GUCY1A1: variants seen among roughly 807,000 people sequenced by gnomAD.
The protein encoded by GUCY1A1 is guanylate cyclase soluble subunit alpha-1.
GUCY1A1 carries 48 observed loss-of-function variants against 64.5 expected under a neutral mutation model. The ratio of observed to expected loss-of-function variants is 0.74; its 90% CI spans 0.59 to 0.95. GUCY1A1 has a LOEUF of 0.95. GUCY1A1 is among the 40% of genes least tolerant of loss of function. The pLI, the probability that GUCY1A1 is intolerant of heterozygous loss-of-function variation, is 0.00. For missense variants in GUCY1A1, 804 were observed against 825.3 expected, an observed-to-expected ratio of 0.97 and a Z score of 0.32; for synonymous variants, 308 against 303.4, an observed-to-expected ratio of 1.02 and a Z score of -0.16.
intron 9 of GUCY1A1, among the ~76,000 whole-genome samples, chr4:155,723,208 A>G (rs905721595): frequency 5.3e-5 from 8 of 152,178 alleles, no homozygotes; most frequent in Non-Finnish European, 8.8e-5. Flanking sequence ...ACAGCCAGTC[A>G]AATTCCCTAT....
chr4:155,682,719 TG>T (rs1270014083), intron 2 of GUCY1A1, among the ~76,000 whole-genome samples: 1 of 151,726 alleles, frequency 6.6e-6, no homozygotes, highest in East Asian at 1.9e-4. Flanking sequence ...TGTGTGTGTG[TG>T]TGTGTGTGTA....
intron 5 of GUCY1A1, among the ~76,000 whole-genome samples, chr4:155,709,532 T>G (rs1288207292): frequency 2.0e-5 from 3 of 152,220 alleles, no homozygotes; most frequent in African/African-American, 7.2e-5. Flanking sequence ...AAACAGAAAG[T>G]ACTAAAAAAA....
At chr4:155,699,228 G>A (rs1406533159) in intron 3 of GUCY1A1, among the ~76,000 whole-genome samples, 1 of 151,988 alleles carries the variant, frequency 6.6e-6, no homozygotes, top group Admixed American at 6.6e-5. Flanking sequence ...AATTGGCTCA[G>A]CTAGAGATTT....
intron 2 of GUCY1A1, among the ~76,000 whole-genome samples, chr4:155,680,798 CAGG>C (rs1180916865): frequency 1.3e-5 from 2 of 151,946 alleles, no homozygotes; most frequent in Non-Finnish European, 2.9e-5. Flanking sequence ...TCATTTTGAG[CAGG>C]AGGAGGAAGA....
intron 2 of GUCY1A1, among the ~76,000 whole-genome samples, chr4:155,690,499 G>A (rs977904403): frequency 1.3e-5 from 2 of 152,132 alleles, no homozygotes; most frequent in Admixed American, 1.3e-4. Context: ...CCTTAGAATA[G>A]AGTATTATCT....
At chr4:155,693,736 T>C (rs1730056872) in intron 2 of GUCY1A1, among the ~76,000 whole-genome samples, 1 of 152,166 alleles carries the variant, frequency 6.6e-6, no homozygotes, top group African/African-American at 2.4e-5. Context: ...TAAAAAACAC[T>C]GTTCGGCTTA....
rs1732438768 is a variant in GUCY1A1, at chr4:155,710,666, T to C, written c.501T>C (p.Ser167=). ...GTLKDFLNSF[S]TLLKQSSHCQ... ...TTAAAGATTTTTTAAACAGCTTCAG[T>C]ACCCTTCTGAAACAGAGCAGCCATT... Residue 167 remains serine (S), a synonymous_variant, in exon 6 of 10, where the codon AGT becomes AGC. Coordinates refer to ENST00000506455, the MANE Select transcript of GUCY1A1 (RefSeq NM_001130682.3). 3.7e-6 allele frequency: 6 copies of C among 1,613,764 alleles called. No homozygotes were observed. The highest frequency in any genetic ancestry group is 5.1e-6 in the Non-Finnish European group (6 of 1,179,690).
At position 155,710,794 on chromosome 4, in the gene GUCY1A1, C is replaced by T. The variant is rs374557471; in HGVS notation, c.629C>T (p.Thr210Ile). Residue 210 changes from threonine (T) to isoleucine (I), a missense_variant, in exon 6 of 10, where the codon ACC becomes ATC. Physicochemically the swap from Thr to Ile is moderately conservative, Grantham distance 89. Transcript: ENST00000506455. ...GTTTACTACTTCTTCCCTAAGAGAACCACCTCCCTGATTCTTCCCGGCATC... is the reference window on the plus strand; with the variant it reads ...GTTTACTACTTCTTCCCTAAGAGAATCACCTCCCTGATTCTTCCCGGCATC... ...LHVYYFFPKR[T>I]TSLILPGIIK... is the part of the protein sequence containing the mutation. 6.2e-7 allele frequency: 1 copy of T among 1,613,812 alleles called. No individual in the cohort carries two copies. Among genetic ancestry groups the T allele is most frequent in the Non-Finnish European group, 8.5e-7 (1 of 1,179,844 alleles).
chr4:155,719,536 C>A (rs1172499856), intron 8 of GUCY1A1, among the ~76,000 whole-genome samples: 1 of 152,144 alleles, frequency 6.6e-6, no homozygotes, highest in African/African-American at 2.4e-5. Context: ...TCTTGCCCTG[C>A]TACCTCTTGG....
chr4:155,730,419 G>GA lies in GUCY1A1; in HGVS notation c.*202dup, dbSNP rs34880260. On this transcript the variant is annotated 3_prime_UTR_variant, in exon 10 of 10. Transcript: ENST00000506455. ...TCACTTCAGTACTTCAGCTCTTCAA[G>GA]AAAAAAAAAAAAAACCTTAAAAAGC... The GA allele has an allele frequency of 0.028, 8,906 of 320,134 alleles. 1 individual carries two copies. Among genetic ancestry groups the GA allele is most frequent in the East Asian group, 0.058 (1,199 of 20,708 alleles). 19.8% of individuals were successfully genotyped at this position (320,134 alleles called of 1,614,324 possible).
chr4:155,718,990 AG>A (rs1733624211), intron 8 of GUCY1A1, among the ~76,000 whole-genome samples: 1 of 152,048 alleles, frequency 6.6e-6, no homozygotes, highest in African/African-American at 2.4e-5. Flanking sequence ...AATTTGTTTG[AG>A]GGGGCTTGTA....
chr4:155,692,999 C>T (rs1729952988), intron 2 of GUCY1A1, among the ~76,000 whole-genome samples: 1 of 151,852 alleles, frequency 6.6e-6, no homozygotes, highest in African/African-American at 2.4e-5. Flanking sequence ...GCGGAGGTTT[C>T]AGTGATCCAA....
At chr4:155,690,646 C>A (rs2126689463) in intron 2 of GUCY1A1, among the ~76,000 whole-genome samples, 1 of 152,276 alleles carries the variant, frequency 6.6e-6, no homozygotes, top group South Asian at 2.1e-4. Context: ...AGAACATTGG[C>A]TCCCAAGCAT....
At chr4:155,693,933 A>G (rs1036963960) in intron 2 of GUCY1A1, among the ~76,000 whole-genome samples, 8 of 152,210 alleles carry the variant, frequency 5.3e-5, no homozygotes, top group Admixed American at 4.6e-4. Flanking sequence ...GATCTATTAT[A>G]AACTATATTA....
chr4:155,679,756 G>T (rs750590083), intron 2 of GUCY1A1, among the ~76,000 whole-genome samples: 1 of 152,156 alleles, frequency 6.6e-6, no homozygotes, highest in Non-Finnish European at 1.5e-5. Context: ...TTTGTATATG[G>T]TATGATGTGT....
intron 2 of GUCY1A1, among the ~76,000 whole-genome samples, chr4:155,692,178 C>A (rs1217772440): frequency 6.6e-6 from 1 of 152,100 alleles, no homozygotes; most frequent in Non-Finnish European, 1.5e-5. Flanking sequence ...ACGACATTTT[C>A]TTTATCCAGT....
intron 2 of GUCY1A1, among the ~76,000 whole-genome samples, chr4:155,674,344 A>G (rs1356076802): frequency 1.5e-5 from 1 of 68,580 alleles, no homozygotes; most frequent in African/African-American, 6.3e-5. Flanking sequence ...ACAGAGCGAG[A>G]CTCCATCTAA....
intron 9 of GUCY1A1, among the ~76,000 whole-genome samples, chr4:155,728,893 C>G (rs908245645): frequency 3.3e-5 from 5 of 151,824 alleles, no homozygotes; most frequent in Non-Finnish European, 7.4e-5. Flanking sequence ...CTGTCTAATT[C>G]TATACCTTTT....
At chr4:155,691,996 C>T (rs1306847499) in intron 2 of GUCY1A1, among the ~76,000 whole-genome samples, 1 of 152,066 alleles carries the variant, frequency 6.6e-6, no homozygotes, top group Non-Finnish European at 1.5e-5. Context: ...CTCTATGTGT[C>T]CATGCGTTCT....
Sources: allele counts gnomAD v4.1 joint callset (sites outside exome capture counted in the v4.1 genomes callset), GRCh38; gene constraint gnomAD v4.1.1; transcripts MANE v1.5; gene names NCBI Gene and HGNC (gene_info 2026-07-23, HGNC 2026-07-21).